FHIT: variants seen among roughly 807,000 people sequenced by gnomAD.
The protein encoded by FHIT is bis(5'-adenosyl)-triphosphatase.
FHIT carries 19 observed loss-of-function variants against 17.9 expected under a neutral mutation model. The ratio of observed to expected loss-of-function variants is 1.06; its 90% confidence interval spans 0.74 to 1.56. FHIT has a LOEUF of 1.56. Ranked by LOEUF, FHIT falls within the 40% of genes most tolerant of loss-of-function variation. The pLI, the probability that FHIT is intolerant of heterozygous loss-of-function variation, is 0.00. For missense variants in FHIT, 248 were observed against 189.2 expected (o/e 1.31, Z -1.82); for synonymous variants, 81 against 69.7 (o/e 1.16, Z -0.81).
chr3:60,350,673 A>C (rs946878372), intron 5 of FHIT, among the ~76,000 whole-genome samples: 2 of 152,008 alleles, frequency 1.3e-5, no homozygotes, highest in Non-Finnish European at 2.9e-5. Context: ...ATGGCTATGG[A>C]ATATTGCCAC....
At chr3:60,762,111 T>C (rs913050495) in intron 4 of FHIT, among the ~76,000 whole-genome samples, 8 of 152,200 alleles carry the variant, frequency 5.3e-5, no homozygotes, top group East Asian at 1.9e-4. Flanking sequence ...TTTGGTGGGA[T>C]GTAAAACATA....
At chr3:60,387,154 A>AT (rs1279946355) in intron 5 of FHIT, among the ~76,000 whole-genome samples, 1 of 151,250 alleles carries the variant, frequency 6.6e-6, no homozygotes, top group Non-Finnish European at 1.5e-5. Context: ...CACCTAGCTA[A>AT]TTTTTTTGTA....
intron 3 of FHIT, among the ~76,000 whole-genome samples, chr3:61,031,547 T>C (rs986155828): frequency 2.6e-5 from 4 of 152,218 alleles, no homozygotes; most frequent in African/African-American, 9.6e-5. Flanking sequence ...ATTGAATTCA[T>C]CTACTCTAAC....
At chr3:59,834,390 T>C (rs1428384389) in intron 8 of FHIT, among the ~76,000 whole-genome samples, 1 of 152,028 alleles carries the variant, frequency 6.6e-6, no homozygotes, top group East Asian at 1.9e-4. Flanking sequence ...GACAGATAGG[T>C]AACTTAGACA....
intron 8 of FHIT, among the ~76,000 whole-genome samples, chr3:59,796,719 G>A (rs1699792705): frequency 2.0e-5 from 3 of 152,158 alleles, no homozygotes; most frequent in Admixed American, 2.0e-4. Flanking sequence ...GTTTTTCTGG[G>A]TTTTTCTGAA....
chr3:60,463,998 A>T (rs966032895), intron 5 of FHIT, among the ~76,000 whole-genome samples: 1 of 152,206 alleles, frequency 6.6e-6, no homozygotes, highest in Non-Finnish European at 1.5e-5. Context: ...CTTTTGTGGA[A>T]GAACATGTAA....
chr3:59,929,363 G>GTTTTTTTTTTTTTTTTTT (rs869243844), intron 7 of FHIT, among the ~76,000 whole-genome samples: 1 of 67,052 alleles, frequency 1.5e-5, no homozygotes, highest in Non-Finnish European at 2.7e-5. Context: ...TGTTTTTTTG[G>GTTTTTTTTTTTTTTTTTT]TTTTTTTTTT....
intron 3 of FHIT, among the ~76,000 whole-genome samples, chr3:60,965,525 G>C (rs1439663878): frequency 7.9e-5 from 12 of 152,330 alleles, no homozygotes; most frequent in African/African-American, 2.9e-4. Flanking sequence ...CTGATTTTTA[G>C]AATTTTCAGC....
intron 3 of FHIT, among the ~76,000 whole-genome samples, chr3:60,877,096 A>G (rs1177290080): frequency 5.9e-5 from 9 of 152,194 alleles, no homozygotes; most frequent in Admixed American, 5.9e-4. Flanking sequence ...GGAGCTGCCT[A>G]CAGGCCACAC....
At chr3:59,954,955 A>G (rs1211673112) in intron 7 of FHIT, among the ~76,000 whole-genome samples, 10 of 152,230 alleles carry the variant, frequency 6.6e-5, no homozygotes, top group Admixed American at 6.5e-4. Context: ...AACTAAAACA[A>G]AATCAGCAGT....
At chr3:61,214,591 G>A (rs1377157549) in intron 1 of FHIT, among the ~76,000 whole-genome samples, 1 of 151,892 alleles carries the variant, frequency 6.6e-6, no homozygotes, top group African/African-American at 2.4e-5. Flanking sequence ...AGGAGGAACT[G>A]GTACCATTCC....
rs570962622 is a variant in FHIT, at chr3:60,692,394, C to T, written c.-18+129525G>A. 8.5e-5 allele frequency among the ~76,000 whole-genome samples: 13 copies of T among 152,268 alleles called. No individual in the cohort carries two copies. In the South Asian group the frequency reaches 2.1e-3, roughly 24 times the overall value. ...AGCAGATAGAATTAAGTTTGCTAAT[C>T]GTCTGACCTTAAAACAGGGAGATTA... On this transcript the variant is annotated intron_variant, in intron 4 of 9. Coordinates refer to ENST00000492590, the MANE Select transcript of FHIT (RefSeq NM_002012.4).
intron 4 of FHIT, among the ~76,000 whole-genome samples, chr3:60,744,793 A>T (rs2042323765): frequency 6.6e-6 from 1 of 152,204 alleles, no homozygotes; most frequent in South Asian, 2.1e-4. Context: ...TAAATCCCTC[A>T]ATGACAAGGT....
chr3:59,850,641 A>T (rs1388859449), intron 8 of FHIT, among the ~76,000 whole-genome samples: 1 of 152,152 alleles, frequency 6.6e-6, no homozygotes, highest in Admixed American at 6.5e-5. Flanking sequence ...TGGCCACCCC[A>T]AGGAACTTTA....
chr3:59,771,933 T>C (rs1702090850), intron 8 of FHIT, among the ~76,000 whole-genome samples: 1 of 152,206 alleles, frequency 6.6e-6, no homozygotes, highest in African/African-American at 2.4e-5. Flanking sequence ...TCTAGAAGGT[T>C]TGTACACCCT....
chr3:60,595,534 T>TAG (rs1203973520), intron 4 of FHIT, among the ~76,000 whole-genome samples: 1 of 150,278 alleles, frequency 6.7e-6, no homozygotes, highest in Admixed American at 6.6e-5. Flanking sequence ...CACACACACA[T>TAG]ATATATGTGT....
At chr3:60,910,248 A>G (rs1044012547) in intron 3 of FHIT, among the ~76,000 whole-genome samples, 27 of 152,152 alleles carry the variant, frequency 1.8e-4, no homozygotes, top group Non-Finnish European at 3.7e-4. Context: ...TTAAATTCAC[A>G]TAAGTCTGAA....
At chr3:60,771,389 A>T (rs1352115447) in intron 4 of FHIT, among the ~76,000 whole-genome samples, 1 of 152,246 alleles carries the variant, frequency 6.6e-6, no homozygotes, top group Non-Finnish European at 1.5e-5. Flanking sequence ...CCAAAGTGTT[A>T]AATATCTGGC....
At chr3:60,278,007 T>A (rs1193487622) in intron 5 of FHIT, among the ~76,000 whole-genome samples, 1 of 152,080 alleles carries the variant, frequency 6.6e-6, no homozygotes, top group Non-Finnish European at 1.5e-5. Flanking sequence ...ATCCCCAAAT[T>A]TGGAGAAACA....
Sources: gnomAD v4.1 joint callset for allele counts (sites outside exome capture counted in the v4.1 genomes callset) on GRCh38, gnomAD v4.1.1 for gene constraint, MANE v1.5 for transcripts, NCBI Gene and HGNC (gene_info 2026-07-23, HGNC 2026-07-21) for gene names.